Variants in BDP1 observed in about 807,000 individuals in gnomAD.
BDP1 encodes BDP1 general transcription factor IIIB subunit.
A neutral mutation model predicts 266.6 loss-of-function variants in BDP1; 169 were observed. The observed-to-expected ratio is 0.63, with a 90% CI of 0.56 to 0.72. The LOEUF (loss-of-function observed/expected upper bound fraction) is 0.72. BDP1 is among the 30% of genes least tolerant of loss of function. The probability of loss-of-function intolerance (pLI) is 0.00; values close to 1 mark genes in which losing one functional copy is unlikely to be tolerated. For synonymous variants in BDP1, 1,090 were observed against 1,022.4 expected (o/e 1.07, Z -1.26); for missense variants, 3,015 against 3,053.8 (o/e 0.99, Z 0.30).
intron 22 of BDP1, among the ~76,000 whole-genome samples, chr5:71,521,645 G>A (rs999718784): frequency 2.0e-5 from 3 of 152,080 alleles, no homozygotes; most frequent in African/African-American, 7.2e-5. Context: ...CTAAAATATT[G>A]TCCAGGAAAC....
intron 7 of BDP1, among the ~76,000 whole-genome samples, chr5:71,479,938 C>A (rs529270378): frequency 6.6e-6 from 1 of 151,450 alleles, no homozygotes; most frequent in Non-Finnish European, 1.5e-5. Context: ...GTCTCCGTCA[C>A]GGGTTTTTTT....
intron 22 of BDP1, among the ~76,000 whole-genome samples, chr5:71,517,696 C>T (rs1765293097): frequency 6.6e-6 from 1 of 152,114 alleles, no homozygotes; most frequent in African/African-American, 2.4e-5. Flanking sequence ...AAAAGTTTGA[C>T]AAGCATCCTA....
rs746905723 is a variant in BDP1 at position 71,514,965 on chromosome 5, T to C, written c.4492T>C (p.Ser1498Pro). The C allele has an allele frequency of 3.3e-5, 53 of 1,606,574 alleles. No individual in the cohort carries two copies. In the African/African-American group the frequency reaches 5.5e-4, roughly 17 times the overall value. The stretch of plus-strand genomic sequence containing the variant: ...CTAGGATGAAGCTTCCCTAATGATA[T>C]CAAGAGAAAAAGACACATTAGGTCA... ...SQHDEASLMISREKDTLGHRN... is the reference protein window; with the variant it reads ...SQHDEASLMIPREKDTLGHRN... Residue 1498 changes from serine to proline, a missense_variant, in exon 20 of 39, where the codon TCA (serine) becomes CCA (proline). This residue lies in a region of BDP1 where 2,383 missense variants were observed against 2,404.9 expected (regional missense o/e 0.99). Coordinates refer to ENST00000358731, the MANE Select transcript of BDP1 (RefSeq NM_018429.3).
In BDP1 at chr5:71,541,992, A is replaced by G. The variant is rs913810872; in HGVS notation, c.6252-113A>G. 5.0e-6 allele frequency: 4 copies of G among 807,340 alleles called. No homozygotes were observed. The African/African-American group carries it at 5.2e-5, about 11-fold the overall frequency. The allele number at this position is 807,340 out of a possible 1,614,324, so 50.0% of individuals were successfully genotyped here. ...TTAGTATTAAGAAATGAACACTTGT[A>G]GACAGTGTGGCACCTAACAGGTCAT... On this transcript the variant is annotated intron_variant, in intron 29 of 38. Transcript: ENST00000358731.
intron 24 of BDP1, 70 bp from the exon 25 acceptor site, chr5:71,523,869 A>C (rs967109400): frequency 2.1e-6 from 3 of 1,436,410 alleles, no homozygotes; most frequent in Middle Eastern, 2.0e-4. Flanking sequence ...TTTCACTCTA[A>C]AAGTTTGGTT....
At chr5:71,530,345 C>T (rs192901151) in intron 25 of BDP1, among the ~76,000 whole-genome samples, 22 of 152,298 alleles carry the variant, frequency 1.4e-4, no homozygotes, top group Admixed American at 3.9e-4. Flanking sequence ...AGCAATCCTC[C>T]CACCTCAGCC....
chr5:71,505,485 C>T (rs918911933), intron 16 of BDP1, among the ~76,000 whole-genome samples: 10 of 151,970 alleles, frequency 6.6e-5, no homozygotes, highest in Admixed American at 5.9e-4. Flanking sequence ...TAGTCAAAGT[C>T]TTTTCTATTT....
At chr5:71,516,005 A>C (rs1765194617) in intron 20 of BDP1, 56 bp from the exon 21 acceptor site, 1 of 1,271,212 alleles carries the variant, frequency 7.9e-7, no homozygotes, top group Admixed American at 2.5e-5. Flanking sequence ...TTTTTACATT[A>C]GTTTTCAGCT....
chr5:71,501,777 G>A (rs949843895), intron 14 of BDP1, 124 bp downstream of exon 14: 27 of 638,206 alleles, frequency 4.2e-5, no homozygotes, highest in Non-Finnish European at 6.6e-5. Context: ...CTTTAAGTTC[G>A]TTTTCAACCA....
chr5:71,545,350 T>C, intron 32 of BDP1, 131 bp downstream of exon 32: 7 of 913,784 alleles, frequency 7.7e-6, no homozygotes, highest in Non-Finnish European at 1.1e-5. Flanking sequence ...CTTTTTTTTT[T>C]GGAGACAGTC....
At chr5:71,512,506 T>C (rs1764984084) in intron 18 of BDP1, 78 bp downstream of exon 18, 6 of 974,818 alleles carry the variant, frequency 6.2e-6, no homozygotes, top group South Asian at 6.1e-5. Context: ...TTTCAAGATA[T>C]AACATATACA....
At chr5:71,470,371 A>G (rs771840953) in intron 6 of BDP1, 24 bp from the exon 7 acceptor site, 2 of 1,466,444 alleles carry the variant, frequency 1.4e-6, no homozygotes, top group Non-Finnish European at 1.9e-6. Flanking sequence ...ATTTTCAATC[A>G]TTCTAAATCT....
At chr5:71,551,971 C>T (rs541686095) in intron 34 of BDP1, among the ~76,000 whole-genome samples, 2 of 149,740 alleles carry the variant, frequency 1.3e-5, no homozygotes, top group South Asian at 4.2e-4. Context: ...CCACCTCCCT[C>T]CCGGACGGGG....
chr5:71,550,156 T>C (rs1742643968), intron 34 of BDP1, among the ~76,000 whole-genome samples: 1 of 152,076 alleles, frequency 6.6e-6, no homozygotes, highest in Admixed American at 6.6e-5. Context: ...GAGGCCAAGG[T>C]GGGCAGATCA....
intron 33 of BDP1, 25 bp from the exon 34 acceptor site, chr5:71,549,395 A>G: frequency 6.4e-7 from 1 of 1,565,156 alleles, no homozygotes; most frequent in South Asian, 1.2e-5. Context: ...GAGCTTTTTT[A>G]TTACTAACTT....
rs1306280498 is a variant in BDP1, at chr5:71,539,585, A to G, written c.5958A>G (p.Ala1986=). 7 of 1,612,554 alleles carry G rather than the reference A, an allele frequency of 4.3e-6. No individual in the cohort carries two copies. Among genetic ancestry groups the G allele is most frequent in the Non-Finnish European group, 5.1e-6 (6 of 1,179,394 alleles). The change falls in exon 28 of 39, where the codon GCA becomes GCG. Residue 1986 remains alanine (A), a synonymous_variant. Transcript: ENST00000358731. ...CCAATGATGGAAGCACCGAAGCTGC[A>G]ATAACTTTACTTACAATGGGAGATC... The part of the protein sequence containing the change: ...PGTNDGSTEA[A]ITLLTMGDLV...
In BDP1 at chr5:71,491,632, A is replaced by T. The variant is rs558852808; in HGVS notation, c.1640+501A>T. Reference sequence around the variant, plus strand: ...CTGGAATTTTTTTTTACCTTGCATAACTGCACCTCTATACCTATTGAACAG... The same window carrying T: ...CTGGAATTTTTTTTTACCTTGCATATCTGCACCTCTATACCTATTGAACAG... On this transcript the variant is annotated intron_variant, in intron 11 of 38. Coordinates refer to ENST00000358731, the MANE Select transcript of BDP1 (RefSeq NM_018429.3). 1.7e-4 allele frequency among the ~76,000 whole-genome samples: 26 copies of T among 152,156 alleles called. No homozygotes were observed. The South Asian group carries it at 5.2e-3, about 30-fold the overall frequency.
chr5:71,489,867 CAAATT>C (rs949202003), intron 10 of BDP1, among the ~76,000 whole-genome samples, 185 bp downstream of exon 10: 17 of 152,086 alleles, frequency 1.1e-4, no homozygotes, highest in African/African-American at 4.1e-4. Context: ...AAAAATTAAA[CAAATT>C]AAAGTGGGGA....
In BDP1 at chr5:71,502,622, A is replaced by G. The variant is rs1259914216; in HGVS notation, c.2072A>G (p.Gln691Arg). 1.6e-5 allele frequency: 25 copies of G among 1,599,646 alleles called. No individual in the cohort carries two copies. In the South Asian group the frequency reaches 2.6e-4, roughly 17 times the overall value. Residue 691 changes from glutamine to arginine, a missense_variant, in exon 15 of 39, where the codon CAG becomes CGG. Transcript: ENST00000358731. ...VSVLGEKNCL[Q>R]EGSQLKALRP... ...AGTTTGGGTGAAAAAAATTGTCTGCAGGAAGGGAGTCAACTAAAGGCTTTA... is the reference window on the plus strand; with the variant it reads ...AGTTTGGGTGAAAAAAATTGTCTGCGGGAAGGGAGTCAACTAAAGGCTTTA...
Sources: gnomAD v4.1 joint callset for allele counts (sites outside exome capture counted in the v4.1 genomes callset) on GRCh38, gnomAD v4.1.1 for gene constraint, gnomAD v4.1.1 regional missense constraint, MANE v1.5 for transcripts, NCBI Gene and HGNC (gene_info 2026-07-23, HGNC 2026-07-21) for gene names.